Variants in CUBN observed in about 807,000 individuals in gnomAD.
The protein encoded by CUBN is cubilin, also known as 460 kDa receptor.
In CUBN, 282 loss-of-function variants were observed where a neutral mutation model predicts 405.3. The observed-to-expected ratio is 0.70, with a 90% CI of 0.63 to 0.77. The LOEUF is 0.77. Ranked by LOEUF, CUBN falls within the 30% of genes least tolerant of loss-of-function variation. The pLI, the probability that CUBN is intolerant of heterozygous loss-of-function variation, is 0.00. For synonymous variants in CUBN, 1,684 were observed against 1,617.0 expected (o/e 1.04, Z -0.99); for missense variants, 4,514 against 4,475.2 (o/e 1.01, Z -0.25).
At chr10:16,959,597 C>T (rs1478879580) in intron 31 of CUBN, among the ~76,000 whole-genome samples, 1 of 151,044 alleles carries the variant, frequency 6.6e-6, no homozygotes, top group Non-Finnish European at 1.5e-5. Context: ...CACTGCACTC[C>T]AGCCTGGGCA....
rs567627753 is a variant in CUBN, at chr10:17,129,748, T to A, written c.18A>T (p.Leu6Phe). 1.3e-5 allele frequency: 21 copies of A among 1,614,056 alleles called. No homozygotes were observed. The highest frequency in any genetic ancestry group is 1.7e-5 in the Non-Finnish European group (20 of 1,179,964). Residue 6 changes from leucine to phenylalanine, a missense_variant, in exon 1 of 67, where the codon TTA becomes TTT. Leu to Phe is a conservative substitution (Grantham distance 22). Transcript: ENST00000377833. The stretch of plus-strand genomic sequence containing the variant: ...AGGTAAGCAAACTCCAAAGAAAAGG[T>A]AAAGACATGTTCATCATCAACCTCC... The part of the protein sequence containing the change: MMNMS[L>F]PFLWSLLTLL...
At position 17,068,724 on chromosome 10, in the gene CUBN, C is replaced by A. The variant is rs769070098; in HGVS notation, c.2672G>T (p.Cys891Phe). The change falls in exon 20 of 67, where the codon TGC becomes TTC. Residue 891 changes from cysteine to phenylalanine, a missense_variant. Coordinates refer to ENST00000377833, the MANE Select transcript of CUBN (RefSeq NM_001081.4). ...TATAAATGAAGGTATGTCTGTACCG[C>A]AATACTTTTTATTTTCAGGAGAACC... is the stretch of plus-strand genomic sequence containing the variant. Reference protein sequence around the residue: ...ILGSPENKKYCGTDIPSFITS... With the variant: ...ILGSPENKKYFGTDIPSFITS... The A allele has an allele frequency of 4.3e-6, 7 of 1,612,190 alleles. No individual in the cohort carries two copies. The African/African-American group carries it at 9.4e-5, about 22-fold the overall frequency.
At chr10:16,960,520 A>G (rs186977971) in intron 31 of CUBN, among the ~76,000 whole-genome samples, 66 of 152,230 alleles carry the variant, frequency 4.3e-4, no homozygotes, top group Non-Finnish European at 7.1e-4. Context: ...AACCCCCACA[A>G]AAACAAAAAG....
Position 17,017,960 on chromosome 10 carries a change from A to G in CUBN, c.4168+1873T>C, listed in dbSNP as rs553700678. Among the ~76,000 whole-genome samples, 13 of 152,264 alleles carry G rather than the reference A, an allele frequency of 8.5e-5. No homozygotes were observed. In the South Asian group the frequency reaches 2.7e-3, roughly 32 times the overall value. On this transcript the variant is annotated intron_variant, in intron 28 of 66. Transcript: ENST00000377833. ...TGACATGACTTTGAGAGTTTTACTC[A>G]TGGCTGCAGGGCCAACCAACTTGTT...
chr10:17,032,015 A>G (rs182152601), intron 27 of CUBN, among the ~76,000 whole-genome samples: 44 of 152,330 alleles, frequency 2.9e-4, no homozygotes, highest in South Asian at 8.3e-4. Flanking sequence ...CGAGTTAGGG[A>G]ACTCGGAAGA....
At chr10:16,825,224 C>G in intron 66 of CUBN, 142 bp from the exon 67 acceptor site, 2 of 641,042 alleles carry the variant, frequency 3.1e-6, no homozygotes, top group South Asian at 3.3e-5. Context: ...TTGAAGTAAC[C>G]TTGCAAAGAA....
intron 51 of CUBN, 55 bp from the exon 52 acceptor site, chr10:16,901,514 T>C (rs1841370447): frequency 6.2e-7 from 1 of 1,605,954 alleles, no homozygotes; most frequent in African/African-American, 1.3e-5. Flanking sequence ...AAAGAACCGA[T>C]AATGCCAAAG....
rs1391884049 is a variant in CUBN at position 16,925,258 on chromosome 10, T to C, written c.6629A>G (p.Tyr2210Cys). 1.2e-6 allele frequency: 2 copies of C among 1,612,840 alleles called. No homozygotes were observed. The highest frequency in any genetic ancestry group is 1.1e-5 in the South Asian group (1 of 91,042). Reference protein sequence around the residue: ...SNEGQGFKIKYEAKSLACGGN... With the variant: ...SNEGQGFKIKCEAKSLACGGN... ...ATACTTACCTAAACTCTTTGCCTCA[T>C]ATTTGATTTTAAATCCTTGCCCTTC... The change falls in exon 43 of 67, where the codon TAT (tyrosine) becomes TGT (cysteine). Residue 2210 changes from tyrosine to cysteine, a missense_variant. Coordinates refer to ENST00000377833, the MANE Select transcript of CUBN (RefSeq NM_001081.4).
chr10:16,873,976 G>A (rs1253376945), intron 58 of CUBN, among the ~76,000 whole-genome samples: 1 of 152,124 alleles, frequency 6.6e-6, no homozygotes, highest in Non-Finnish European at 1.5e-5. Flanking sequence ...AATACAATGA[G>A]ACAATTACGG....
intron 47 of CUBN, 49 bp downstream of exon 47, chr10:16,914,983 T>C (rs1214512146): frequency 2.7e-6 from 4 of 1,471,250 alleles, no homozygotes; most frequent in Non-Finnish European, 3.8e-6. Context: ...GCATAGTGTC[T>C]GTCCAATGCA....
At chr10:16,852,826 G>C (rs1839759110) in intron 59 of CUBN, among the ~76,000 whole-genome samples, 1 of 152,176 alleles carries the variant, frequency 6.6e-6, no homozygotes, top group African/African-American at 2.4e-5. Flanking sequence ...AACAAACCAA[G>C]AAAATTGCTG....
At chr10:16,908,182 G>C (rs566418980) in intron 48 of CUBN, among the ~76,000 whole-genome samples, 2 of 151,980 alleles carry the variant, frequency 1.3e-5, no homozygotes, top group Non-Finnish European at 2.9e-5. Flanking sequence ...TTTTGCTCTT[G>C]TTGCCCAGGC....
At chr10:16,917,558 A>G (rs77661046) in intron 45 of CUBN, among the ~76,000 whole-genome samples, 1 of 152,208 alleles carries the variant, frequency 6.6e-6, no homozygotes, top group East Asian at 1.9e-4. Flanking sequence ...TACCAAGGGC[A>G]TTGAAACCAT....
intron 28 of CUBN, among the ~76,000 whole-genome samples, chr10:17,005,943 C>T (rs998398779): frequency 6.6e-6 from 1 of 152,070 alleles, no homozygotes; most frequent in Non-Finnish European, 1.5e-5. Context: ...TTATAAGGAG[C>T]AAATTTGGAC....
chr10:17,123,374 T>C (rs1163914145), intron 5 of CUBN: 1 of 606,052 alleles, frequency 1.7e-6, no homozygotes, highest in African/African-American at 1.9e-5. Context: ...TCCAATCAAG[T>C]GAACCTCTCC....
At chr10:16,840,214 A>C in intron 62 of CUBN, 116 bp downstream of exon 62, 1 of 876,410 alleles carries the variant, frequency 1.1e-6, no homozygotes, top group Non-Finnish European at 1.9e-6. Flanking sequence ...CCTAAAACTT[A>C]AAGTATAATT....
intron 33 of CUBN, among the ~76,000 whole-genome samples, chr10:16,951,970 G>A (rs184008743): frequency 2.6e-5 from 4 of 152,122 alleles, no homozygotes; most frequent in South Asian, 2.1e-4. Flanking sequence ...GCCTGCATAC[G>A]CCTGTTAATA....
In CUBN at chr10:16,839,402, G is replaced by A. The variant is rs192779751; in HGVS notation, c.10032+928C>T. Reference sequence around the variant, plus strand: ...CAAACCACTCCATCAAAAAGTGGGCGAAGGATATGAACAGACACTTCTCAA... The same window carrying A: ...CAAACCACTCCATCAAAAAGTGGGCAAAGGATATGAACAGACACTTCTCAA... On this transcript the variant is annotated intron_variant, in intron 62 of 66. Coordinates refer to ENST00000377833, the MANE Select transcript of CUBN (RefSeq NM_001081.4). 3.9e-5 allele frequency among the ~76,000 whole-genome samples: 6 copies of A among 152,160 alleles called. No individual in the cohort carries two copies. The East Asian group carries it at 7.7e-4, about 20-fold the overall frequency.
chr10:16,982,426 T>C, intron 31 of CUBN, 58 bp downstream of exon 31: 2 of 1,435,046 alleles, frequency 1.4e-6, no homozygotes, highest in Non-Finnish European at 2.0e-6. Flanking sequence ...TATGCTTATA[T>C]GGCAGTGTTT....
Sources: gnomAD v4.1 joint callset for allele counts (sites outside exome capture counted in the v4.1 genomes callset) on GRCh38, gnomAD v4.1.1 for gene constraint, MANE v1.5 for transcripts, NCBI Gene and HGNC (gene_info 2026-07-23, HGNC 2026-07-21) for gene names.